Variants in TRAK1 observed in about 807,000 individuals in gnomAD.
TRAK1 encodes trafficking kinesin-binding protein 1.
TRAK1 carries 33 observed loss-of-function variants against 92.1 expected under a neutral mutation model. That is an observed-to-expected ratio of 0.36 (90% CI 0.27 to 0.48). The LOEUF is 0.48. Among genes scored for constraint, TRAK1 ranks in the 20% least tolerant of loss-of-function variants. The pLI is 0.99. For synonymous variants in TRAK1, 521 were observed against 517.3 expected (o/e 1.01, Z -0.10); for missense variants, 1,123 against 1,257.9 (o/e 0.89, Z 1.62).
rs539458267 is a variant in TRAK1, at chr3:42,130,972, A to T, written c.286+5358A>T. Among the ~76,000 whole-genome samples, 11 of 152,208 alleles carry T rather than the reference A, an allele frequency of 7.2e-5. No homozygotes were observed. The South Asian group carries it at 1.0e-3, about 14-fold the overall frequency. On this transcript the variant is annotated intron_variant, in intron 2 of 15. Coordinates refer to ENST00000327628, the MANE Select transcript of TRAK1 (RefSeq NM_001042646.3). Reference sequence around the variant, plus strand: ...ATAAAGTAGAACCTACAGTAATATTATTATACCCCCATTTTCACCTTTGCT... The same window carrying T: ...ATAAAGTAGAACCTACAGTAATATTTTTATACCCCCATTTTCACCTTTGCT...
upstream of TRAK1, among the ~76,000 whole-genome samples, chr3:42,088,345 ACCT>A (rs1199159082): frequency 6.7e-6 from 1 of 148,890 alleles, no homozygotes; most frequent in African/African-American, 2.5e-5. Flanking sequence ...GCCCCCACAC[ACCT>A]CCTCTCCCTT....
At chr3:42,192,457 G>A (rs1009566030) in intron 7 of TRAK1, among the ~76,000 whole-genome samples, 1 of 152,078 alleles carries the variant, frequency 6.6e-6, no homozygotes, top group African/African-American at 2.4e-5. Context: ...TAAGTATTTT[G>A]CATTTCGTCA....
chr3:42,032,480 G>GGAAA (rs1425301715), intron 1 of TRAK1, among the ~76,000 whole-genome samples: 2 of 120,898 alleles, frequency 1.7e-5, no homozygotes, highest in African/African-American at 5.5e-5. Context: ...GGGTCAACCT[G>GGAAA]AAAAAAAAAA....
intron 1 of TRAK1, among the ~76,000 whole-genome samples, chr3:42,059,408 A>G (rs560176569): frequency 6.6e-6 from 1 of 152,276 alleles, no homozygotes; most frequent in Non-Finnish European, 1.5e-5. Context: ...AGTTAACCAT[A>G]TTTTAGAAAG....
chr3:42,143,308 CT>C (rs369435084), intron 2 of TRAK1, among the ~76,000 whole-genome samples: 11,622 of 139,164 alleles, frequency 0.084, 461 homozygotes, highest in Middle Eastern at 0.11. Context: ...TGTACCTCTT[CT>C]TTTTTTTTTT....
upstream of TRAK1, among the ~76,000 whole-genome samples, chr3:42,083,040 A>G (rs1402183213): frequency 3.9e-5 from 6 of 152,160 alleles, no homozygotes; most frequent in Non-Finnish European, 7.3e-5. Context: ...TCTTTGACCT[A>G]TATATACTTG....
chr3:42,149,226 G>T (rs1177168315), intron 2 of TRAK1: 1 of 1,225,942 alleles, frequency 8.2e-7, no homozygotes. Context: ...GACGATCCTG[G>T]CTACTCCCAT....
intron 1 of TRAK1, among the ~76,000 whole-genome samples, chr3:42,048,409 G>A (rs1702844538): frequency 6.6e-6 from 1 of 152,124 alleles, no homozygotes; most frequent in Non-Finnish European, 1.5e-5. Flanking sequence ...TTTAAAAAAG[G>A]CAAATGCTAC....
chr3:42,056,439 T>C (rs1703209176), intron 1 of TRAK1, among the ~76,000 whole-genome samples: 1 of 152,206 alleles, frequency 6.6e-6, no homozygotes, highest in South Asian at 2.1e-4. Flanking sequence ...TGGTTAATGA[T>C]GTTGAGCATT....
intron 1 of TRAK1, among the ~76,000 whole-genome samples, chr3:42,096,070 C>T (rs1705869802): frequency 6.6e-6 from 1 of 152,180 alleles, no homozygotes; most frequent in African/African-American, 2.4e-5. Context: ...TTGTTGTTGA[C>T]AAGCCACCAG....
chr3:42,069,731 T>G (rs1012029327), intron 1 of TRAK1, among the ~76,000 whole-genome samples: 4 of 152,210 alleles, frequency 2.6e-5, no homozygotes, highest in African/African-American at 7.2e-5. Flanking sequence ...ATGCCTTATT[T>G]AATCAAAATC....
At chr3:42,036,695 G>T (rs1425225691) in intron 1 of TRAK1, among the ~76,000 whole-genome samples, 1 of 152,160 alleles carries the variant, frequency 6.6e-6, no homozygotes. Flanking sequence ...GACTTCCTAG[G>T]CTTGACTCTG....
chr3:42,157,845 G>A (rs1300114574), intron 2 of TRAK1, among the ~76,000 whole-genome samples: 14 of 152,150 alleles, frequency 9.2e-5, no homozygotes, highest in Admixed American at 8.5e-4. Context: ...CAAAATAGTA[G>A]TGTTTCAGTG....
At chr3:42,112,101 C>T (rs1708489889) in intron 1 of TRAK1, among the ~76,000 whole-genome samples, 1 of 148,116 alleles carries the variant, frequency 6.8e-6, no homozygotes, top group Non-Finnish European at 1.5e-5. Context: ...TTCCATGAAC[C>T]TAATGGTAAT....
At chr3:42,220,693 G>A in intron 15 of TRAK1, 6 of 779,162 alleles carry the variant, frequency 7.7e-6, no homozygotes, top group Non-Finnish European at 7.8e-6. Context: ...GCTTGGATGT[G>A]TCTCTGTGGT....
intron 10 of TRAK1, among the ~76,000 whole-genome samples, chr3:42,197,259 C>T (rs143221575): frequency 6.6e-6 from 1 of 152,110 alleles, no homozygotes; most frequent in Non-Finnish European, 1.5e-5. Context: ...CCAGGACCCC[C>T]TGCAGATACC....
chr3:42,129,526 G>T (rs1279117145), intron 2 of TRAK1, among the ~76,000 whole-genome samples: 3 of 152,184 alleles, frequency 2.0e-5, no homozygotes, highest in Admixed American at 6.5e-5. Flanking sequence ...ACCTTTGCCA[G>T]GTGGTACAAT....
intron 1 of TRAK1, among the ~76,000 whole-genome samples, chr3:42,105,909 C>G (rs1461757059): frequency 6.6e-6 from 1 of 152,144 alleles, no homozygotes; most frequent in Non-Finnish European, 1.5e-5. Context: ...ATTTCATATC[C>G]AGCCAAACTA....
chr3:42,083,044 A>G (rs138576946), upstream of TRAK1, among the ~76,000 whole-genome samples: 280 of 152,310 alleles, frequency 1.8e-3, no homozygotes, highest in African/African-American at 6.4e-3. Flanking sequence ...TGACCTATAT[A>G]TACTTGAGCC....
Sources: allele counts gnomAD v4.1 joint callset (sites outside exome capture counted in the v4.1 genomes callset), GRCh38; gene constraint gnomAD v4.1.1; transcripts MANE v1.5; gene names NCBI Gene and HGNC (gene_info 2026-07-23, HGNC 2026-07-21).